Variants in SLC13A1 observed in about 807,000 individuals in gnomAD.
The protein encoded by SLC13A1 is Na(+)/sulfate cotransporter.
A neutral mutation model predicts 70.0 loss-of-function variants in SLC13A1; 65 were observed. The ratio of observed to expected loss-of-function variants is 0.93; its 90% CI spans 0.76 to 1.14. The LOEUF (loss-of-function observed/expected upper bound fraction) is 1.14, where lower values mean the gene tolerates loss of function less well. Among genes scored for constraint, SLC13A1 ranks in the 50% most tolerant of loss-of-function variants. The probability of loss-of-function intolerance (pLI) is 0.00; values close to 1 mark genes in which losing one functional copy is unlikely to be tolerated. For missense variants in SLC13A1, 726 were observed against 717.8 expected (o/e 1.01, Z -0.13); for synonymous variants, 275 against 250.5 (o/e 1.10, Z -0.92).
At chr7:123,185,595 T>A in intron 1 of SLC13A1, among the ~76,000 whole-genome samples, 1 of 152,102 alleles carries the variant, frequency 6.6e-6, no homozygotes, top group East Asian at 1.9e-4. Flanking sequence ...TGGCTGTAAA[T>A]GTAGAGAATT....
chr7:123,137,813 AT>A (rs1794002959), intron 7 of SLC13A1, among the ~76,000 whole-genome samples: 1 of 152,140 alleles, frequency 6.6e-6, no homozygotes, highest in Non-Finnish European at 1.5e-5. Flanking sequence ...GTATATATGT[AT>A]GGGGTACATG....
At chr7:123,167,864 G>T (rs569650963) in intron 6 of SLC13A1, among the ~76,000 whole-genome samples, 125 of 151,900 alleles carry the variant, frequency 8.2e-4, no homozygotes, top group Non-Finnish European at 1.4e-3. Flanking sequence ...AAATGACGAC[G>T]ATGCCCCTAA....
At chr7:123,137,041 A>G (rs1044947664) in intron 7 of SLC13A1, among the ~76,000 whole-genome samples, 2 of 152,204 alleles carry the variant, frequency 1.3e-5, no homozygotes, top group Admixed American at 1.3e-4. Context: ...ATAACCTTGT[A>G]GCCAGTCCGA....
chr7:123,136,084 C>A (rs189692554), intron 7 of SLC13A1, among the ~76,000 whole-genome samples: 175 of 152,292 alleles, frequency 1.1e-3, no homozygotes, highest in African/African-American at 3.9e-3. Flanking sequence ...AACCTAACGA[C>A]ACTCAGAAAT....
chr7:123,189,858 T>C (rs1795939803), intron 1 of SLC13A1, among the ~76,000 whole-genome samples: 1 of 152,114 alleles, frequency 6.6e-6, no homozygotes, highest in African/African-American at 2.4e-5. Flanking sequence ...TCATTCCTGA[T>C]GTGCCTAAAT....
At position 123,115,398 on chromosome 7, in the gene SLC13A1, G is replaced by T; in HGVS notation, c.*120C>A. 9.8e-7 allele frequency: 1 copy of T among 1,015,518 alleles called. No homozygotes were observed. Among genetic ancestry groups the T allele is most frequent in the Non-Finnish European group, 1.4e-6 (1 of 700,504 alleles). The allele number at this position is 1,015,518 out of a possible 1,614,324, so 62.9% of individuals were successfully genotyped here. ...CAGGTTTCGGGTATTCACAGGAATTGCAGCAGCTACACCATAACTGATTTA... is the reference window on the plus strand; with the variant it reads ...CAGGTTTCGGGTATTCACAGGAATTTCAGCAGCTACACCATAACTGATTTA... On this transcript the variant is annotated 3_prime_UTR_variant, in exon 15 of 15. Coordinates refer to ENST00000194130, the MANE Select transcript of SLC13A1 (RefSeq NM_022444.4).
At chr7:123,181,253 A>G in intron 1 of SLC13A1, 152 bp from the exon 2 acceptor site, 1 of 723,712 alleles carries the variant, frequency 1.4e-6, no homozygotes, top group East Asian at 3.1e-5. Flanking sequence ...TCAAATACTC[A>G]TTTCTTAGAA....
At chr7:123,173,674 A>G (rs1795347085) in intron 2 of SLC13A1, among the ~76,000 whole-genome samples, 1 of 152,254 alleles carries the variant, frequency 6.6e-6, no homozygotes, top group East Asian at 1.9e-4. Context: ...CTATTATACC[A>G]TACATTCTGA....
intron 6 of SLC13A1, among the ~76,000 whole-genome samples, chr7:123,151,648 A>G (rs1342879772): frequency 1.3e-5 from 2 of 152,126 alleles, no homozygotes; most frequent in East Asian, 3.9e-4. Flanking sequence ...TTATGATGTC[A>G]TTTTATAAAT....
At chr7:123,176,035 A>G (rs942637099) in intron 2 of SLC13A1, among the ~76,000 whole-genome samples, 1 of 152,236 alleles carries the variant, frequency 6.6e-6, no homozygotes, top group Admixed American at 6.5e-5. Flanking sequence ...CAATATGTCA[A>G]TGAATGACTA....
At chr7:123,126,943 A>G (rs190581764) in intron 10 of SLC13A1, among the ~76,000 whole-genome samples, 1 of 152,218 alleles carries the variant, frequency 6.6e-6, no homozygotes, top group Non-Finnish European at 1.5e-5. Flanking sequence ...TTGATACATC[A>G]TGTTAGCTTT....
chr7:123,147,587 G>A (rs1316961943), intron 6 of SLC13A1, among the ~76,000 whole-genome samples: 1 of 151,520 alleles, frequency 6.6e-6, no homozygotes, highest in Non-Finnish European at 1.5e-5. Context: ...CCACAAGAAG[G>A]CATCTGTCTG....
intron 1 of SLC13A1, chr7:123,190,410 C>G (rs945101011): frequency 4.0e-5 from 14 of 351,800 alleles, no homozygotes; most frequent in Admixed American, 1.1e-4. Context: ...CTTACTCTTT[C>G]CAGAATTGTT....
intron 1 of SLC13A1, among the ~76,000 whole-genome samples, chr7:123,181,534 G>A (rs1033468290): frequency 3.3e-5 from 5 of 151,984 alleles, no homozygotes; most frequent in Admixed American, 2.0e-4. Context: ...CTGGTTGAGT[G>A]GGACCTAAGC....
intron 14 of SLC13A1, 34 bp from the exon 15 acceptor site, chr7:123,115,689 C>G: frequency 6.2e-7 from 1 of 1,609,596 alleles, no homozygotes; most frequent in Non-Finnish European, 8.5e-7. Context: ...GTCAGTGTCC[C>G]AGAAGAAAGC....
At chr7:123,142,359 G>A (rs892824400) in intron 7 of SLC13A1, among the ~76,000 whole-genome samples, 7 of 152,072 alleles carry the variant, frequency 4.6e-5, no homozygotes, top group Admixed American at 3.9e-4. Flanking sequence ...TCCTTCCCAG[G>A]ACAGGTCCAT....
intron 2 of SLC13A1, among the ~76,000 whole-genome samples, chr7:123,176,822 C>T (rs1263773929): frequency 6.6e-6 from 1 of 152,102 alleles, no homozygotes; most frequent in Non-Finnish European, 1.5e-5. Flanking sequence ...TCTTCTTAGT[C>T]TCTTTGGCTA....
In SLC13A1 at chr7:123,177,526, C is replaced by T. The variant is rs190327652; in HGVS notation, c.228+3447G>A. Among the ~76,000 whole-genome samples, 433 of 152,212 alleles carry T rather than the reference C, an allele frequency of 2.8e-3. 4 individuals are homozygous for T. The highest frequency in any genetic ancestry group is 9.5e-3 in the African/African-American group (393 of 41,556). Reference sequence around the variant, plus strand: ...TTGCAATGGACTACTTTGACCCTACCTGGTCCATTGCCTCATTACATTATG... The same window carrying T: ...TTGCAATGGACTACTTTGACCCTACTTGGTCCATTGCCTCATTACATTATG... On this transcript the variant is annotated intron_variant, in intron 2 of 14. Coordinates refer to ENST00000194130, the MANE Select transcript of SLC13A1 (RefSeq NM_022444.4).
intron 6 of SLC13A1, among the ~76,000 whole-genome samples, chr7:123,166,416 T>C (rs1434939440): frequency 6.6e-6 from 1 of 152,070 alleles, no homozygotes; most frequent in African/African-American, 2.4e-5. Context: ...TATTATACTT[T>C]AAGTTTTAGG....
Sources: allele counts gnomAD v4.1 joint callset (sites outside exome capture counted in the v4.1 genomes callset), GRCh38; gene constraint gnomAD v4.1.1; transcripts MANE v1.5; gene names NCBI Gene and HGNC (gene_info 2026-07-23, HGNC 2026-07-21).